Variants in AKAP11 observed in about 807,000 individuals in gnomAD.
AKAP11 encodes the protein A-kinase anchor protein 11.
A neutral mutation model predicts 146.1 loss-of-function variants in AKAP11; 36 were observed. The ratio of observed to expected loss-of-function variants is 0.25; its 90% CI spans 0.19 to 0.33. The LOEUF is 0.33. AKAP11 is among the 10% of genes least tolerant of loss of function. AKAP11 has a pLI of 1.00. For synonymous variants in AKAP11, 780 were observed against 786.5 expected, an observed-to-expected ratio of 0.99 and a Z score of 0.14; for missense variants, 2,201 against 2,197.0, an observed-to-expected ratio of 1.00 and a Z score of -0.04.
chr13:42,288,269 C>A (rs1959181131), intron 3 of AKAP11, among the ~76,000 whole-genome samples: 1 of 151,940 alleles, frequency 6.6e-6, no homozygotes, highest in Admixed American at 6.6e-5. Flanking sequence ...TAGTTTCTAC[C>A]CCAGTAATTT....
chr13:42,323,233 T>C lies in AKAP11; in HGVS notation c.*4005T>C, dbSNP rs1356126386. ...AGCCTGTGATCTTTCTTCTCCCAGC[T>C]AAGAGTTCTTCAATAAATTTAAGAA... On this transcript the variant is annotated 3_prime_UTR_variant, in exon 13 of 13. Coordinates refer to ENST00000025301, the MANE Select transcript of AKAP11 (RefSeq NM_016248.4). The C allele has an allele frequency of 6.5e-6, 1 of 152,730 alleles. No individual in the cohort carries two copies. 9.5% of individuals were successfully genotyped at this position (152,730 alleles called of 1,614,324 possible).
intron 1 of AKAP11, among the ~76,000 whole-genome samples, chr13:42,285,539 A>G (rs1206703898): frequency 6.6e-6 from 1 of 152,252 alleles, no homozygotes; most frequent in Non-Finnish European, 1.5e-5. Context: ...TTGTATCCAT[A>G]GCATCTAGCA....
chr13:42,308,864 A>T (rs1292192506), intron 9 of AKAP11, among the ~76,000 whole-genome samples: 2 of 152,026 alleles, frequency 1.3e-5, no homozygotes, highest in Non-Finnish European at 2.9e-5. Flanking sequence ...TATGCCTTTT[A>T]AGCTTCTCCC....
intron 9 of AKAP11, among the ~76,000 whole-genome samples, chr13:42,309,609 G>T (rs1960450036): frequency 6.6e-6 from 1 of 152,158 alleles, no homozygotes; most frequent in Non-Finnish European, 1.5e-5. Flanking sequence ...AGTATATTTT[G>T]TCATAGTTTA....
In AKAP11 at chr13:42,319,366, C is replaced by G; in HGVS notation, c.*138C>G. 1 of 1,135,732 alleles carries G rather than the reference C, an allele frequency of 8.8e-7. No individual in the cohort carries two copies. The highest frequency in any genetic ancestry group is 1.6e-5 in the South Asian group (1 of 60,802). The allele number at this position is 1,135,732 out of a possible 1,614,324, so 70.4% of individuals were successfully genotyped here. The stretch of plus-strand genomic sequence containing the variant: ...AGGCAAGTAAATATAGCTTTCTGAG[C>G]GCTTTGTGTTATCACTCGGTGTATA... On this transcript the variant is annotated 3_prime_UTR_variant, in exon 13 of 13. Coordinates refer to ENST00000025301, the MANE Select transcript of AKAP11 (RefSeq NM_016248.4).
chr13:42,278,931 C>G (rs527243598), intron 1 of AKAP11, among the ~76,000 whole-genome samples: 5 of 141,792 alleles, frequency 3.5e-5, no homozygotes, highest in Admixed American at 3.5e-4. Context: ...TGGGTTGATG[C>G]TTTTTTTTTT....
chr13:42,310,493 T>A (rs1357880221), intron 9 of AKAP11, among the ~76,000 whole-genome samples: 3 of 152,238 alleles, frequency 2.0e-5, no homozygotes, highest in Non-Finnish European at 4.4e-5. Context: ...ATGTTGCATC[T>A]GTTGATGACA....
At chr13:42,315,257 A>ATATTATATT (rs1490633696) in intron 11 of AKAP11, among the ~76,000 whole-genome samples, 1 of 152,150 alleles carries the variant, frequency 6.6e-6, no homozygotes, top group Non-Finnish European at 1.5e-5. Flanking sequence ...ATTATTTTTT[A>ATATTATATT]GTTTTAATGC....
chr13:42,315,695 T>C (rs1960786340), intron 11 of AKAP11, among the ~76,000 whole-genome samples: 1 of 152,216 alleles, frequency 6.6e-6, no homozygotes. Flanking sequence ...AATTATATGT[T>C]GATATGTCAT....
chr13:42,312,372 G>T (rs1960606407), intron 9 of AKAP11, among the ~76,000 whole-genome samples: 1 of 152,072 alleles, frequency 6.6e-6, no homozygotes. Context: ...TTTGTGACTG[G>T]CCAACTAGAC....
rs1271846122 is a variant in AKAP11, at chr13:42,323,121, T to C, written c.*3893T>C. The C allele has an allele frequency of 6.5e-6, 1 of 152,788 alleles. No individual in the cohort carries two copies. Among genetic ancestry groups the C allele is most frequent in the Non-Finnish European group, 1.5e-5 (1 of 68,032 alleles). 9.5% of individuals were successfully genotyped at this position (152,788 alleles called of 1,614,324 possible). ...ATACGAACTTTGAGATGCACTAAAG[T>C]TTTGTTTCAGCAGTGGCTCAAAAAA... On this transcript the variant is annotated 3_prime_UTR_variant, in exon 13 of 13. Coordinates refer to ENST00000025301, the MANE Select transcript of AKAP11 (RefSeq NM_016248.4).
At chr13:42,284,483 G>A (rs1434872731) in intron 1 of AKAP11, among the ~76,000 whole-genome samples, 3 of 152,190 alleles carry the variant, frequency 2.0e-5, no homozygotes, top group Admixed American at 2.0e-4. Flanking sequence ...GGAGAAGAAA[G>A]GAGAGTGAAG....
chr13:42,314,446 TA>T (rs59968668), intron 11 of AKAP11, among the ~76,000 whole-genome samples: 136 of 124,756 alleles, frequency 1.1e-3, no homozygotes, highest in African/African-American at 1.8e-3. Context: ...GACTCTGACT[TA>T]AAAAAAAAAA....
chr13:42,272,577 C>T (rs1274692418), intron 1 of AKAP11, among the ~76,000 whole-genome samples: 1 of 152,008 alleles, frequency 6.6e-6, no homozygotes, highest in Non-Finnish European at 1.5e-5. Context: ...TCAGAGACGG[C>T]CCCCCGGGTG....
At chr13:42,283,853 A>G (rs984047562) in intron 1 of AKAP11, among the ~76,000 whole-genome samples, 4 of 152,190 alleles carry the variant, frequency 2.6e-5, no homozygotes, top group African/African-American at 4.8e-5. Flanking sequence ...GTCCTGCAGT[A>G]TTGTTTTTAA....
rs779009091 is a variant in AKAP11 at position 42,303,860 on chromosome 13, G to T, written c.5114G>T (p.Ser1705Ile). ...AAVTNVGHAVSSSKEIEDFQS... is the reference protein window; with the variant it reads ...AAVTNVGHAVISSKEIEDFQS... ...GTCACAAATGTTGGGCATGCTGTTA[G>T]CAGGTAAGTTTCACGTTTCTTTTGG... The change falls in exon 8 of 13, where the codon AGC (serine) becomes ATC (isoleucine). Residue 1705 changes from serine to isoleucine, a missense_variant. Physicochemically the swap from Ser to Ile is moderately radical, Grantham distance 142 (BLOSUM62 -2). Transcript: ENST00000025301. The T allele has an allele frequency of 3.6e-5, 57 of 1,566,298 alleles. No individual in the cohort carries two copies. Among genetic ancestry groups the T allele is most frequent in the Non-Finnish European group, 4.6e-5 (53 of 1,159,132 alleles).
At chr13:42,278,577 C>T (rs1040879612) in intron 1 of AKAP11, among the ~76,000 whole-genome samples, 1 of 152,162 alleles carries the variant, frequency 6.6e-6, no homozygotes, top group African/African-American at 2.4e-5. Context: ...TCCATCTCCC[C>T]TGCCACATTT....
intron 1 of AKAP11, among the ~76,000 whole-genome samples, chr13:42,277,117 TATA>T (rs1469652628): frequency 6.6e-6 from 1 of 152,226 alleles, no homozygotes; most frequent in Admixed American, 6.5e-5. Flanking sequence ...ATATCATCCT[TATA>T]ATATTGCCAT....
chr13:42,272,140 C>T (rs1245018021), upstream of AKAP11: 1 of 107,990 alleles, frequency 9.3e-6, no homozygotes, highest in African/African-American at 3.8e-5. Flanking sequence ...GGGGTCAGCG[C>T]GGGAGGGGGC....
Sources: gnomAD v4.1 joint callset for allele counts (sites outside exome capture counted in the v4.1 genomes callset) on GRCh38, gnomAD v4.1.1 for gene constraint, MANE v1.5 for transcripts, NCBI Gene and HGNC (gene_info 2026-07-23, HGNC 2026-07-21) for gene names.